Variants in SOX5 observed in about 807,000 individuals in gnomAD.
SOX5 encodes the protein SRY-box transcription factor 5.
In SOX5, 9 loss-of-function variants were observed where a neutral mutation model predicts 92.0. The observed-to-expected ratio is 0.10, with a 90% CI of 0.06 to 0.17. SOX5 has a LOEUF of 0.17. Among genes scored for constraint, SOX5 ranks in the 10% least tolerant of loss-of-function variants. The pLI is 1.00. For missense variants in SOX5, 642 were observed against 944.5 expected (o/e 0.68, Z 4.20); for synonymous variants, 344 against 336.3 (o/e 1.02, Z -0.25).
chr12:23,992,890 C>T (rs1950694921), intron 4 of SOX5, among the ~76,000 whole-genome samples: 1 of 152,142 alleles, frequency 6.6e-6, no homozygotes, highest in African/African-American at 2.4e-5. Context: ...AGACTCTATG[C>T]TGGCATTGCC....
intron 11 of SOX5, among the ~76,000 whole-genome samples, chr12:23,559,950 G>T (rs556086455): frequency 6.6e-6 from 1 of 151,858 alleles, no homozygotes; most frequent in African/African-American, 2.4e-5. Flanking sequence ...TTGCCCTGTC[G>T]CCCAGGCTGG....
chr12:23,684,601 G>T (rs1400882220), intron 6 of SOX5, among the ~76,000 whole-genome samples: 1 of 152,002 alleles, frequency 6.6e-6, no homozygotes. Flanking sequence ...GTTTTGGTGT[G>T]TCTGGAAATA....
chr12:23,896,036 A>T lies in SOX5; in HGVS notation c.39-12T>A, dbSNP rs1595458498. 6.4e-7 allele frequency: 1 copy of T among 1,553,170 alleles called. No homozygotes were observed. Reference sequence around the variant, plus strand: ...GCTTGGAAGACATCCTGGAAGGAACAAAAGAGGAGAAAATAATGAAACCTC... The same window carrying T: ...GCTTGGAAGACATCCTGGAAGGAACTAAAGAGGAGAAAATAATGAAACCTC... On this transcript the variant is annotated splice_polypyrimidine_tract_variant and intron_variant, in intron 1 of 14. Coordinates refer to ENST00000451604, the MANE Select transcript of SOX5 (RefSeq NM_006940.6).
intron 1 of SOX5, among the ~76,000 whole-genome samples, chr12:23,922,295 AATGTC>A (rs1366217330): frequency 6.6e-6 from 1 of 152,236 alleles, no homozygotes; most frequent in Non-Finnish European, 1.5e-5. Flanking sequence ...CAAAATGTCT[AATGTC>A]ATGTGTCCAT....
rs777937017 is a variant in SOX5 at position 23,609,067 on chromosome 12, T to G, written c.1018-4534A>C. Among the ~76,000 whole-genome samples, 6 of 151,840 alleles carry G rather than the reference T, an allele frequency of 4.0e-5. No homozygotes were observed. In the South Asian group the frequency reaches 1.2e-3, roughly 32 times the overall value. On this transcript the variant is annotated intron_variant, in intron 8 of 14. Coordinates refer to ENST00000451604, the MANE Select transcript of SOX5 (RefSeq NM_006940.6). ...TTTCATAGAAGAAATGGAGTTAAGG[T>G]GGACATAGAAAAAGGAGATGGCATT...
At chr12:24,330,545 A>G (rs1300415484) in intron 2 of SOX5, among the ~76,000 whole-genome samples, 1 of 152,180 alleles carries the variant, frequency 6.6e-6, no homozygotes. Flanking sequence ...CCTCAATAAT[A>G]GTGTGGCCAT....
At chr12:23,819,513 G>A (rs1488618574) in intron 3 of SOX5, among the ~76,000 whole-genome samples, 1 of 151,572 alleles carries the variant, frequency 6.6e-6, no homozygotes, top group Admixed American at 6.6e-5. Flanking sequence ...GTGTCATGGT[G>A]GTTTGCTGCA....
intron 6 of SOX5, among the ~76,000 whole-genome samples, chr12:23,679,946 A>G (rs761194781): frequency 4.8e-5 from 6 of 124,888 alleles, no homozygotes; most frequent in Non-Finnish European, 8.6e-5. Context: ...AAAGGTTGCA[A>G]TAAAAATTAG....
At chr12:24,507,397 A>G (rs184854083) in intron 1 of SOX5, among the ~76,000 whole-genome samples, 307 of 151,920 alleles carry the variant, frequency 2.0e-3, no homozygotes, top group Non-Finnish European at 2.0e-3. Flanking sequence ...AGATAGAGAA[A>G]CAAGTTAAAT....
chr12:23,961,137 AT>A (rs1361009862), intron 4 of SOX5, among the ~76,000 whole-genome samples: 4 of 152,140 alleles, frequency 2.6e-5, no homozygotes, highest in Admixed American at 1.3e-4. Flanking sequence ...TTATTAAAAA[AT>A]TATTTCACCT....
intron 11 of SOX5, among the ~76,000 whole-genome samples, chr12:23,549,175 T>A (rs77452553): frequency 0.031 from 4,715 of 152,062 alleles, 281 homozygotes; most frequent in African/African-American, 0.11. Flanking sequence ...AAATTACTCT[T>A]TTCTAAATAG....
At chr12:24,218,167 G>A (rs1959489318) in intron 3 of SOX5, among the ~76,000 whole-genome samples, 1 of 152,116 alleles carries the variant, frequency 6.6e-6, no homozygotes, top group African/African-American at 2.4e-5. Flanking sequence ...AAACAAAAAT[G>A]TGTATACATA....
intron 4 of SOX5, among the ~76,000 whole-genome samples, chr12:24,066,212 G>C (rs1940716964): frequency 6.6e-6 from 1 of 152,156 alleles, no homozygotes; most frequent in Non-Finnish European, 1.5e-5. Flanking sequence ...GATATAGAAG[G>C]CTGATACATG....
intron 1 of SOX5, among the ~76,000 whole-genome samples, chr12:23,927,018 C>T (rs916744883): frequency 6.6e-6 from 1 of 152,004 alleles, no homozygotes; most frequent in African/African-American, 2.4e-5. Context: ...AGATGATCTG[C>T]TAATACAAAT....
intron 9 of SOX5, among the ~76,000 whole-genome samples, chr12:23,595,031 C>G (rs1441943664): frequency 6.6e-6 from 1 of 152,110 alleles, no homozygotes; most frequent in Non-Finnish European, 1.5e-5. Context: ...ACAAAATTAC[C>G]CATTTGTTTA....
intron 4 of SOX5, among the ~76,000 whole-genome samples, chr12:24,119,865 A>G (rs543332969): frequency 2.6e-4 from 40 of 152,164 alleles, no homozygotes; most frequent in Non-Finnish European, 5.4e-4. Flanking sequence ...TCCTTAATTT[A>G]TAAATAGCAA....
Position 24,218,669 on chromosome 12 carries a change from A to C in SOX5, c.-76-5252T>G, listed in dbSNP as rs368626974. Among the ~76,000 whole-genome samples the C allele has an allele frequency of 3.9e-5, 6 of 152,202 alleles. No homozygotes were observed. The East Asian group carries it at 7.7e-4, about 19-fold the overall frequency. On this transcript the variant is annotated intron_variant, in intron 3 of 4. Transcript: ENST00000446891. ...TCAACAAACAAGTCTTTTAAAAATT[A>C]CATACTATGAAACAAAAACACATCA...
At chr12:23,815,495 G>A (rs2095972696) in intron 3 of SOX5, among the ~76,000 whole-genome samples, 2 of 151,924 alleles carry the variant, frequency 1.3e-5, no homozygotes, top group Non-Finnish European at 2.9e-5. Context: ...TCTTCTTTAG[G>A]TCCATATGTC....
chr12:24,127,829 G>A (rs891486055), intron 4 of SOX5, among the ~76,000 whole-genome samples: 1 of 152,130 alleles, frequency 6.6e-6, no homozygotes, highest in South Asian at 2.1e-4. Flanking sequence ...GTGCATTAGA[G>A]GCAACACCGT....
Sources: allele counts gnomAD v4.1 joint callset (sites outside exome capture counted in the v4.1 genomes callset), GRCh38; gene constraint gnomAD v4.1.1; transcripts MANE v1.5; gene names NCBI Gene and HGNC (gene_info 2026-07-23, HGNC 2026-07-21).